RAB3C: variants seen among roughly 807,000 people sequenced by gnomAD.
The protein encoded by RAB3C is ras-related protein Rab-3C.
In RAB3C, 17 loss-of-function variants were observed where a neutral mutation model predicts 26.4. That is an observed-to-expected ratio of 0.64 (90% confidence interval 0.44 to 0.97). The LOEUF is 0.97. Among genes scored for constraint, RAB3C ranks in the 50% least tolerant of loss-of-function variants. The pLI, the probability that RAB3C is intolerant of heterozygous loss-of-function variation, is 0.00. For synonymous variants in RAB3C, 91 were observed against 95.9 expected (o/e 0.95, Z 0.30); for missense variants, 242 against 281.9 (o/e 0.86, Z 1.01).
chr5:58,723,342 A>G (rs977148379), intron 2 of RAB3C, among the ~76,000 whole-genome samples: 3 of 151,786 alleles, frequency 2.0e-5, no homozygotes, highest in East Asian at 1.9e-4. Context: ...AAAATTACCA[A>G]ATAAATACCT....
chr5:58,604,594 G>A (rs775995576), intron 1 of RAB3C, among the ~76,000 whole-genome samples: 4 of 152,110 alleles, frequency 2.6e-5, no homozygotes, highest in South Asian at 2.1e-4. Context: ...GGGGAAAGCC[G>A]GTAGTCACAG....
intron 2 of RAB3C, among the ~76,000 whole-genome samples, chr5:58,643,768 C>A (rs1747461129): frequency 6.6e-6 from 1 of 152,218 alleles, no homozygotes; most frequent in African/African-American, 2.4e-5. Context: ...GAGGACATCA[C>A]TGATTTTCAT....
At chr5:58,786,912 T>C (rs1742401165) in intron 3 of RAB3C, among the ~76,000 whole-genome samples, 1 of 150,784 alleles carries the variant, frequency 6.6e-6, no homozygotes, top group African/African-American at 2.4e-5. Flanking sequence ...CGTCCAGAAG[T>C]AGAAAGGCAT....
At chr5:58,659,463 A>G (rs780464052) in intron 2 of RAB3C, among the ~76,000 whole-genome samples, 1 of 152,222 alleles carries the variant, frequency 6.6e-6, no homozygotes, top group Non-Finnish European at 1.5e-5. Context: ...CCCAGAGGAA[A>G]AATAAGCAAT....
At chr5:58,582,935 A>C, upstream of RAB3C, 1 of 791,008 alleles carries the variant, frequency 1.3e-6, no homozygotes, top group Non-Finnish European at 1.9e-6. Context: ...AGCCTGTTTA[A>C]TGGTTTGCTT....
Position 58,852,123 on chromosome 5 carries a change from C to G in RAB3C, c.*772C>G, listed in dbSNP as rs1744128054. The G allele has an allele frequency of 6.6e-6, 1 of 152,126 alleles. No homozygotes were observed. The allele number at this position is 152,126 out of a possible 1,614,324, so 9.4% of individuals were successfully genotyped here. On this transcript the variant is annotated 3_prime_UTR_variant, in exon 5 of 5. Coordinates refer to ENST00000282878, the MANE Select transcript of RAB3C (RefSeq NM_138453.4). Reference sequence around the variant, plus strand: ...TCTGTGAATATTCAACATCATTGAACAGATTGAGACATATCTACTGAATGC... The same window carrying G: ...TCTGTGAATATTCAACATCATTGAAGAGATTGAGACATATCTACTGAATGC...
chr5:58,593,334 T>C (rs1353531270), intron 1 of RAB3C, among the ~76,000 whole-genome samples: 1 of 152,160 alleles, frequency 6.6e-6, no homozygotes, highest in African/African-American at 2.4e-5. Context: ...TGAAAGAGGT[T>C]AATAAGATTA....
rs3060342 is a variant in RAB3C, at chr5:58,761,063, T to TCACACA, written c.371+34964_371+34969dup. On this transcript the variant is annotated intron_variant, in intron 3 of 4. Transcript: ENST00000282878. ...CTCTCTCTCTCCCTCTCTCTCTCTC[T>TCACACA]CACACACACACACACACACACACAC... Among the ~76,000 whole-genome samples the TCACACA allele has an allele frequency of 5.3e-3, 770 of 144,798 alleles. 8 individuals are homozygous for TCACACA. Among genetic ancestry groups the TCACACA allele is most frequent in the African/African-American group, 0.017 (680 of 39,008 alleles). The allele number at this position is 144,798 out of a possible 152,430, so 95.0% of individuals were successfully genotyped here. A position where few individuals can be genotyped will look rare whatever the true frequency, so the allele number is the denominator to read the frequency against.
At chr5:58,707,958 G>T (rs1467275165) in intron 2 of RAB3C, among the ~76,000 whole-genome samples, 3 of 150,698 alleles carry the variant, frequency 2.0e-5, no homozygotes, top group Non-Finnish European at 3.0e-5. Flanking sequence ...CCATCTTTGG[G>T]TACTAAGAAT....
At chr5:58,696,503 CTCT>C (rs1337983646) in intron 2 of RAB3C, among the ~76,000 whole-genome samples, 1 of 152,172 alleles carries the variant, frequency 6.6e-6, no homozygotes, top group Non-Finnish European at 1.5e-5. Context: ...ATAGTACCAG[CTCT>C]TCTTTGTACC....
rs144473964 is a variant in RAB3C at position 58,795,250 on chromosome 5, G to C, written c.372-29788G>C. ...CCTCCCCAGCCATGTGGAACTGTTA[G>C]TCAATTAAACCTCTTTCCTTTATAA... is the stretch of plus-strand genomic sequence containing the variant. On this transcript the variant is annotated intron_variant, in intron 3 of 4. Coordinates refer to ENST00000282878, the MANE Select transcript of RAB3C (RefSeq NM_138453.4). 2.4e-3 allele frequency among the ~76,000 whole-genome samples: 373 copies of C among 152,270 alleles called. 2 individuals are homozygous for C. Among genetic ancestry groups the C allele is most frequent in the African/African-American group, 8.7e-3 (360 of 41,540 alleles).
chr5:58,644,551 G>C (rs749437355), intron 2 of RAB3C: 2 of 152,168 alleles, frequency 1.3e-5, no homozygotes, highest in Non-Finnish European at 2.9e-5. Flanking sequence ...TGTAAAGTTT[G>C]AGTCTCTGTG....
chr5:58,775,970 C>T (rs1204006712), intron 3 of RAB3C, among the ~76,000 whole-genome samples: 1 of 152,086 alleles, frequency 6.6e-6, no homozygotes, highest in Non-Finnish European at 1.5e-5. Flanking sequence ...GCCTGTCCCA[C>T]AAACTTGCAT....
At chr5:58,824,521 A>G (rs980946551) in intron 3 of RAB3C, among the ~76,000 whole-genome samples, 1 of 152,178 alleles carries the variant, frequency 6.6e-6, no homozygotes, top group African/African-American at 2.4e-5. Context: ...TTAAAAAATT[A>G]TTACTTCTCC....
At chr5:58,723,402 G>T (rs1346639119) in intron 2 of RAB3C, among the ~76,000 whole-genome samples, 1 of 151,644 alleles carries the variant, frequency 6.6e-6, no homozygotes, top group Non-Finnish European at 1.5e-5. Flanking sequence ...TATAATTGTT[G>T]GCTTCACAAA....
chr5:58,709,741 A>G (rs1346740862), intron 2 of RAB3C, among the ~76,000 whole-genome samples: 1 of 152,154 alleles, frequency 6.6e-6, no homozygotes, highest in Non-Finnish European at 1.5e-5. Flanking sequence ...TCCTCCAATT[A>G]TGGATCCGAG....
At chr5:58,751,862 T>G (rs1478476568) in intron 3 of RAB3C, among the ~76,000 whole-genome samples, 1 of 152,216 alleles carries the variant, frequency 6.6e-6, no homozygotes, top group Admixed American at 6.5e-5. Flanking sequence ...ATTGTTGATT[T>G]TCCTTCATTT....
chr5:58,725,653 A>G (rs1409251961), intron 2 of RAB3C, among the ~76,000 whole-genome samples: 2 of 151,910 alleles, frequency 1.3e-5, no homozygotes, highest in Non-Finnish European at 2.9e-5. Flanking sequence ...ATAATTTACA[A>G]TAATCGATTG....
intron 2 of RAB3C, among the ~76,000 whole-genome samples, chr5:58,687,723 T>C (rs1159276004): frequency 6.6e-6 from 1 of 152,152 alleles, no homozygotes; most frequent in Non-Finnish European, 1.5e-5. Flanking sequence ...ATAATGAGCC[T>C]AATCTAAACA....
Sources: gnomAD v4.1 joint callset for allele counts (sites outside exome capture counted in the v4.1 genomes callset) on GRCh38, gnomAD v4.1.1 for gene constraint, MANE v1.5 for transcripts, NCBI Gene and HGNC (gene_info 2026-07-23, HGNC 2026-07-21) for gene names.